Variants in RGS6 observed in about 807,000 individuals in gnomAD.
RGS6 encodes regulator of G protein signaling 6.
RGS6 carries 30 observed loss-of-function variants against 78.5 expected under a neutral mutation model. That is an observed-to-expected ratio of 0.38 (90% CI 0.29 to 0.52). The LOEUF (loss-of-function observed/expected upper bound fraction) is 0.52. RGS6 is among the 20% of genes least tolerant of loss of function. The pLI is 0.85. For missense variants in RGS6, 495 were observed against 609.7 expected (o/e 0.81, Z 1.98); for synonymous variants, 206 against 206.0 (o/e 1.00, Z 0.00).
At chr14:71,944,506 T>TA (rs1405258922) in intron 1 of RGS6, among the ~76,000 whole-genome samples, 1 of 152,128 alleles carries the variant, frequency 6.6e-6, no homozygotes, top group African/African-American at 2.4e-5. Context: ...ATGATAGGAA[T>TA]AAATAGAAAA....
chr14:72,301,266 C>G (rs1253975849), intron 2 of RGS6, among the ~76,000 whole-genome samples: 1 of 152,146 alleles, frequency 6.6e-6, no homozygotes, highest in African/African-American at 2.4e-5. Context: ...ATTTATTTGT[C>G]ATGTACTCAG....
At chr14:71,959,675 C>T (rs549906944) in intron 1 of RGS6, among the ~76,000 whole-genome samples, 1 of 148,482 alleles carries the variant, frequency 6.7e-6, no homozygotes, top group Non-Finnish European at 1.5e-5. Flanking sequence ...CTCTGATGCA[C>T]GAGTCAGAAC....
intron 2 of RGS6, among the ~76,000 whole-genome samples, chr14:72,199,837 C>G (rs926790038): frequency 6.6e-6 from 1 of 152,210 alleles, no homozygotes; most frequent in African/African-American, 2.4e-5. Flanking sequence ...GGACCAAACA[C>G]AGCCCACAGT....
chr14:72,077,238 G>A (rs1283665633), intron 2 of RGS6, among the ~76,000 whole-genome samples: 1 of 151,950 alleles, frequency 6.6e-6, no homozygotes, highest in African/African-American at 2.4e-5. Flanking sequence ...TTGTACTAAT[G>A]TGTATGAATT....
intron 2 of RGS6, among the ~76,000 whole-genome samples, chr14:72,046,398 TACA>T (rs1362652503): frequency 6.6e-6 from 1 of 152,222 alleles, no homozygotes; most frequent in Non-Finnish European, 1.5e-5. Flanking sequence ...TCTCTAATTA[TACA>T]ACATCTACAT....
intron 13 of RGS6, among the ~76,000 whole-genome samples, chr14:72,496,851 CAT>C (rs538066714): frequency 9.9e-5 from 15 of 151,518 alleles, no homozygotes; most frequent in African/African-American, 3.1e-4. Context: ...CAAATATGTA[CAT>C]ATATATATAT....
intron 1 of RGS6, among the ~76,000 whole-genome samples, chr14:71,933,501 C>T (rs893502870): frequency 6.6e-6 from 1 of 152,138 alleles, no homozygotes; most frequent in Non-Finnish European, 1.5e-5. Flanking sequence ...GACAAATGAA[C>T]TGGTTGCGTG....
the RGS6 span, among the ~76,000 whole-genome samples, chr14:72,615,474 T>C: frequency 1.4e-4 from 22 of 152,214 alleles, no homozygotes; most frequent in Non-Finnish European, 2.5e-4. Context: ...AAAGCACGAA[T>C]ACAAAAATGC....
intron 3 of RGS6, chr14:72,421,103 G>C (rs1320110796): frequency 8.5e-6 from 1 of 117,136 alleles, no homozygotes; most frequent in East Asian, 2.4e-4. Flanking sequence ...TTTTTTTTTT[G>C]TACCGATAAT....
the RGS6 span, among the ~76,000 whole-genome samples, chr14:71,906,545 A>G: frequency 2.0e-5 from 3 of 152,158 alleles, no homozygotes; most frequent in Non-Finnish European, 4.4e-5. Flanking sequence ...AAAGCTTCAC[A>G]CAAAAACCTT....
chr14:72,605,248 G>A, the RGS6 span, among the ~76,000 whole-genome samples: 4 of 152,268 alleles, frequency 2.6e-5, no homozygotes, highest in South Asian at 2.1e-4. Context: ...AAATCCCAGC[G>A]AAGGGAAGCA....
intron 2 of RGS6, among the ~76,000 whole-genome samples, chr14:72,187,206 A>G (rs2097259518): frequency 6.6e-6 from 1 of 152,240 alleles, no homozygotes; most frequent in Non-Finnish European, 1.5e-5. Context: ...CTTGAGCCTC[A>G]GTAAATGAGC....
chr14:72,200,101 T>C (rs1159570981), intron 2 of RGS6, among the ~76,000 whole-genome samples: 1 of 152,202 alleles, frequency 6.6e-6, no homozygotes, highest in Non-Finnish European at 1.5e-5. Flanking sequence ...ATCTGTCCTA[T>C]TGGGATAATT....
rs148307333 is a variant in RGS6 at position 72,083,050 on chromosome 14, A to G, written c.84+118175A>G. Among the ~76,000 whole-genome samples the G allele has an allele frequency of 4.1e-3, 623 of 152,322 alleles. 4 individuals carry two copies. Among genetic ancestry groups the G allele is most frequent in the African/African-American group, 0.014 (570 of 41,572 alleles). On this transcript the variant is annotated intron_variant, in intron 2 of 17. Coordinates refer to ENST00000553525, the MANE Select transcript of RGS6 (RefSeq NM_001204424.2). ...TACCTCTAGATGTACCAGTGTCCTC[A>G]AGAATAAGAAATGCCATTTGCCTTT... is the stretch of plus-strand genomic sequence containing the variant.
In RGS6 at chr14:72,361,662, G is replaced by T. The variant is rs1596278064; in HGVS notation, c.184+9468G>T. Reference sequence around the variant, plus strand: ...TGAGAGGCCATGATACTGGAAGACTGAGCTGTGTGAATATTGAAATCACTA... The same window carrying T: ...TGAGAGGCCATGATACTGGAAGACTTAGCTGTGTGAATATTGAAATCACTA... On this transcript the variant is annotated intron_variant, in intron 3 of 17. Transcript: ENST00000553525. Among the ~76,000 whole-genome samples the T allele has an allele frequency of 3.3e-5, 5 of 152,314 alleles. No homozygotes were observed. The South Asian group carries it at 1.0e-3, about 32-fold the overall frequency.
chr14:71,951,136 A>T (rs2092274578), intron 1 of RGS6, among the ~76,000 whole-genome samples: 1 of 152,224 alleles, frequency 6.6e-6, no homozygotes, highest in African/African-American at 2.4e-5. Flanking sequence ...TTTTCATGAT[A>T]GCAAATACAT....
At chr14:72,601,914 C>T in the RGS6 span, among the ~76,000 whole-genome samples, 1 of 152,214 alleles carries the variant, frequency 6.6e-6, no homozygotes, top group African/African-American at 2.4e-5. Context: ...GTTGGAAGCA[C>T]CCTCCCTTCT....
chr14:71,994,953 C>G (rs1339964675), intron 2 of RGS6, among the ~76,000 whole-genome samples: 1 of 152,142 alleles, frequency 6.6e-6, no homozygotes, highest in Non-Finnish European at 1.5e-5. Flanking sequence ...GTCCTTACAG[C>G]CAGCAAGACG....
chr14:71,892,045 A>T, the RGS6 span, among the ~76,000 whole-genome samples: 1 of 152,214 alleles, frequency 6.6e-6, no homozygotes. Context: ...TAGCTTTCAC[A>T]TGACTTCATT....
Sources: gnomAD v4.1 joint callset for allele counts (sites outside exome capture counted in the v4.1 genomes callset) on GRCh38, gnomAD v4.1.1 for gene constraint, MANE v1.5 for transcripts, NCBI Gene and HGNC (gene_info 2026-07-23, HGNC 2026-07-21) for gene names.